Variants in PRPS1 observed in about 807,000 individuals in gnomAD.
PRPS1 encodes the protein phosphoribosyl pyrophosphate synthetase 1, also known as ribose-phosphate pyrophosphokinase 1.
PRPS1 carries 1 observed loss-of-function variant against 16.9 expected under a neutral mutation model. The ratio of observed to expected loss-of-function variants is 0.06; its 90% CI spans 0.02 to 0.28. The LOEUF is 0.28. Ranked by LOEUF, PRPS1 falls within the 10% of genes least tolerant of loss-of-function variation. The pLI is 1.00. For missense variants in PRPS1, 47 were observed against 254.0 expected, an observed-to-expected ratio of 0.19 and a Z score of 5.54; for synonymous variants, 70 against 90.2, an observed-to-expected ratio of 0.78 and a Z score of 1.27.
chrX:107,636,400 A>G (rs1181545781), intron 1 of PRPS1, among the ~76,000 whole-genome samples: 2 of 112,613 alleles, frequency 1.8e-5, no homozygotes, highest in Non-Finnish European at 1.9e-5. Flanking sequence ...GATTACAGGC[A>G]TGAGCCACTG....
In PRPS1 at chrX:107,650,353, G is replaced by C. The variant is rs1041792781; in HGVS notation, c.*321G>C. Reference sequence around the variant, plus strand: ...GTTTGACTGTGACTGGGGAAGCTCAGACTACTTTGTATGTGAATGCTTCAG... The same window carrying C: ...GTTTGACTGTGACTGGGGAAGCTCACACTACTTTGTATGTGAATGCTTCAG... On this transcript the variant is annotated 3_prime_UTR_variant, in exon 7 of 7. Transcript: ENST00000372435. 1.2e-5 allele frequency: 5 copies of C among 421,334 alleles called. No individual in the cohort carries two copies. The highest frequency in any genetic ancestry group is 2.0e-5 in the Non-Finnish European group (5 of 244,683). 34.7% of individuals were successfully genotyped at this position (421,334 alleles called of 1,213,427 possible).
intron 5 of PRPS1, among the ~76,000 whole-genome samples, chrX:107,646,908 G>C (rs779837995): frequency 8.9e-6 from 1 of 112,589 alleles, no homozygotes; most frequent in Non-Finnish European, 1.9e-5. Context: ...TGTGAGGGAG[G>C]CTGGGAAATG....
At position 107,647,587 on chromosome X, in the gene PRPS1, CA is replaced by C; in HGVS notation, c.705-17del. ...AATGACAAGTAAGATGAATCCAAATCAACATTTTTTCCCTCTAGACTTCTCT... is the reference window on the plus strand; with the variant it reads ...AATGACAAGTAAGATGAATCCAAATCACATTTTTTCCCTCTAGACTTCTCT... On this transcript the variant is annotated intron_variant, in intron 5 of 6. Transcript: ENST00000372435. The C allele has an allele frequency of 1.7e-6, 2 of 1,209,883 alleles. No individual in the cohort carries two copies. Among genetic ancestry groups the C allele is most frequent in the Middle Eastern group, 2.3e-4 (1 of 4,349 alleles).
Position 107,650,157 on chromosome X carries a change from G to T in PRPS1, c.*125G>T. ...GTGTAGCTTTCTACATCCCACATCA[G>T]GTATATTAGAGCTTATCCGAACTGG... On this transcript the variant is annotated 3_prime_UTR_variant, in exon 7 of 7. Transcript: ENST00000372435. The T allele has an allele frequency of 8.7e-7, 1 of 1,144,066 alleles. No individual in the cohort carries two copies. The highest frequency in any genetic ancestry group is 3.1e-5 in the East Asian group (1 of 32,118). 94.3% of individuals were successfully genotyped at this position (1,144,066 alleles called of 1,213,427 possible).
At chrX:107,632,435 A>G (rs1277523031) in intron 1 of PRPS1, among the ~76,000 whole-genome samples, 5 of 112,245 alleles carry the variant, frequency 4.5e-5, no homozygotes, top group Admixed American at 9.5e-5. Flanking sequence ...TAAGACTACT[A>G]TCCACCTTTT....
At chrX:107,638,599 T>G (rs915908065) in intron 1 of PRPS1, among the ~76,000 whole-genome samples, 1 of 111,549 alleles carries the variant, frequency 9.0e-6, no homozygotes, top group Non-Finnish European at 1.9e-5. Flanking sequence ...TTATTTATTT[T>G]TTGTAGAGAT....
intron 1 of PRPS1, among the ~76,000 whole-genome samples, chrX:107,630,750 C>CAG (rs1925292102): frequency 9.1e-6 from 1 of 109,508 alleles, no homozygotes; most frequent in Non-Finnish European, 1.9e-5. Context: ...CACACACACA[C>CAG]ACACACACAC....
intron 4 of PRPS1, among the ~76,000 whole-genome samples, chrX:107,642,896 C>T (rs1356450976): frequency 8.9e-6 from 1 of 111,906 alleles, no homozygotes; most frequent in Admixed American, 9.5e-5. Flanking sequence ...TCATTTTGAT[C>T]CTTGGGATTA....
intron 1 of PRPS1, among the ~76,000 whole-genome samples, chrX:107,632,011 T>C (rs1925318056): frequency 8.9e-6 from 1 of 112,523 alleles, no homozygotes; most frequent in Non-Finnish European, 1.9e-5. Flanking sequence ...GTATAGTGAA[T>C]GCCTAAGATG....
chrX:107,630,630 C>G (rs1371091088), intron 1 of PRPS1, among the ~76,000 whole-genome samples: 2 of 110,199 alleles, frequency 1.8e-5, no homozygotes, highest in Non-Finnish European at 3.8e-5. Context: ...GAAATGGTAA[C>G]TGCTCCCTAT....
intron 3 of PRPS1, chrX:107,641,252 T>G (rs1371994213): frequency 1.3e-6 from 1 of 743,616 alleles, no homozygotes; most frequent in East Asian, 3.5e-5. Flanking sequence ...ACTAGCTTTG[T>G]AAGCTTGGGA....
rs748877902 is a variant in PRPS1, at chrX:107,650,068, C to G, written c.*36C>G. On this transcript the variant is annotated 3_prime_UTR_variant, in exon 7 of 7. Transcript: ENST00000372435. ...TCTGAGGCTTTTTGAGAATAAAATC[C>G]ACCCCACCCTTGTTTCCCCTTGGTA... is the stretch of plus-strand genomic sequence containing the variant. 2.5e-6 allele frequency: 3 copies of G among 1,210,781 alleles called. No homozygotes were observed. The highest frequency in any genetic ancestry group is 3.4e-6 in the Non-Finnish European group (3 of 895,091).
chrX:107,630,782 G>T (rs1045351196), intron 1 of PRPS1, among the ~76,000 whole-genome samples: 1 of 110,162 alleles, frequency 9.1e-6, no homozygotes, highest in Non-Finnish European at 1.9e-5. Flanking sequence ...CACGGAGGGG[G>T]TGGGTGTTAA....
intron 5 of PRPS1, among the ~76,000 whole-genome samples, chrX:107,646,291 A>T (rs949855522): frequency 4.6e-5 from 5 of 109,309 alleles, no homozygotes; most frequent in African/African-American, 1.7e-4. Context: ...TATTATTATT[A>T]TTTTTGTAGA....
chrX:107,639,171 T>A, intron 1 of PRPS1, 124 bp from the exon 2 acceptor site: 1 of 871,756 alleles, frequency 1.1e-6, no homozygotes, highest in Non-Finnish European at 1.7e-6. Context: ...ACAGGTGCAA[T>A]TTTTTCTCCA....
chrX:107,642,804 C>T (rs1330877299), intron 4 of PRPS1, among the ~76,000 whole-genome samples: 2 of 111,922 alleles, frequency 1.8e-5, no homozygotes. Context: ...ATGTGGTTTT[C>T]TAATGAATAG....
At chrX:107,647,474 ATTTTTTAT>A (rs1925724120) in intron 5 of PRPS1, 124 bp from the exon 6 acceptor site, 2 of 764,845 alleles carry the variant, frequency 2.6e-6, no homozygotes, top group Non-Finnish European at 3.7e-6. Flanking sequence ...GCCTTATAAT[ATTTTTTAT>A]TTTTTTATTT....
chrX:107,634,820 A>T (rs1356131573), intron 1 of PRPS1, among the ~76,000 whole-genome samples: 1 of 105,745 alleles, frequency 9.5e-6, no homozygotes, highest in Non-Finnish European at 1.9e-5. Context: ...TTACTTGATA[A>T]TGATAAAGTT....
In PRPS1 at chrX:107,650,658, C is replaced by T; in HGVS notation, c.*626C>T. ...TGCTTGACTATGTAGCTTGGATTCT[C>T]CTTTGTACCTATCCCTTTCGATTTG... On this transcript the variant is annotated 3_prime_UTR_variant, in exon 7 of 7. Coordinates refer to ENST00000372435, the MANE Select transcript of PRPS1 (RefSeq NM_002764.4). 1 of 302,050 alleles carries T rather than the reference C, an allele frequency of 3.3e-6. No individual in the cohort carries two copies. Among genetic ancestry groups the T allele is most frequent in the Admixed American group, 5.7e-5 (1 of 17,491 alleles). The allele number at this position is 302,050 out of a possible 1,213,427, so 24.9% of individuals were successfully genotyped here. A position where few individuals can be genotyped will look rare whatever the true frequency, so the allele number is the denominator to read the frequency against.
Sources: allele counts gnomAD v4.1 joint callset (sites outside exome capture counted in the v4.1 genomes callset), GRCh38; gene constraint gnomAD v4.1.1; transcripts MANE v1.5; gene names NCBI Gene and HGNC (gene_info 2026-07-23, HGNC 2026-07-21).